Variants in PTPRM observed in about 807,000 individuals in gnomAD.
PTPRM encodes the protein protein tyrosine phosphatase receptor type M, also known as receptor-type tyrosine-protein phosphatase mu.
In PTPRM, 47 loss-of-function variants were observed where a neutral mutation model predicts 186.7. The ratio of observed to expected loss-of-function variants is 0.25; its 90% CI spans 0.20 to 0.32. The LOEUF is 0.32. PTPRM is among the 10% of genes least tolerant of loss of function. The pLI is 1.00. For synonymous variants in PTPRM, 668 were observed against 674.9 expected (o/e 0.99, Z 0.16); for missense variants, 1,494 against 1,865.0 (o/e 0.80, Z 3.66).
chr18:8,190,525 T>G (rs1331335475), intron 14 of PTPRM, among the ~76,000 whole-genome samples: 1 of 152,252 alleles, frequency 6.6e-6, no homozygotes, highest in East Asian at 1.9e-4. Flanking sequence ...TGTTCTAGTC[T>G]TCCTTCCCTT....
intron 1 of PTPRM, among the ~76,000 whole-genome samples, chr18:7,697,701 T>G (rs150293911): frequency 6.6e-6 from 1 of 152,332 alleles, no homozygotes; most frequent in East Asian, 1.9e-4. Context: ...GCCATTCAGC[T>G]TATTTACAGA....
At chr18:8,340,302 A>G (rs980453879) in intron 22 of PTPRM, among the ~76,000 whole-genome samples, 2 of 152,074 alleles carry the variant, frequency 1.3e-5, no homozygotes, top group African/African-American at 2.4e-5. Flanking sequence ...TCATTTTTAG[A>G]TTTTAACACC....
chr18:7,832,646 C>A (rs776946362), intron 2 of PTPRM, among the ~76,000 whole-genome samples: 1 of 152,116 alleles, frequency 6.6e-6, no homozygotes, highest in Non-Finnish European at 1.5e-5. Flanking sequence ...TCCATTTTGG[C>A]TTTTGGTTGC....
intron 1 of PTPRM, among the ~76,000 whole-genome samples, chr18:7,604,375 C>A (rs1455026588): frequency 6.6e-6 from 1 of 152,218 alleles, no homozygotes. Flanking sequence ...AAAACACAAA[C>A]ATCAACAACG....
chr18:7,922,927 A>G (rs2050950376), intron 4 of PTPRM, among the ~76,000 whole-genome samples: 1 of 152,068 alleles, frequency 6.6e-6, no homozygotes, highest in African/African-American at 2.4e-5. Flanking sequence ...GGGTTTCTTA[A>G]CCTTGGTGCT....
chr18:7,695,358 G>T (rs974294427), intron 1 of PTPRM, among the ~76,000 whole-genome samples: 2 of 152,120 alleles, frequency 1.3e-5, no homozygotes, highest in African/African-American at 4.8e-5. Flanking sequence ...GGGTTTCTTC[G>T]AGTCACTAGA....
At chr18:8,101,940 A>T (rs1464228515) in intron 11 of PTPRM, among the ~76,000 whole-genome samples, 2 of 152,212 alleles carry the variant, frequency 1.3e-5, no homozygotes, top group Non-Finnish European at 2.9e-5. Context: ...TAGTACAGGC[A>T]TATCTTGGAG....
intron 13 of PTPRM, among the ~76,000 whole-genome samples, chr18:8,140,079 G>A (rs1048357280): frequency 6.6e-6 from 1 of 152,178 alleles, no homozygotes; most frequent in African/African-American, 2.4e-5. Context: ...CTGCAGCTGA[G>A]CTGTCCCTGC....
intron 1 of PTPRM, among the ~76,000 whole-genome samples, chr18:7,601,838 T>C (rs1466610873): frequency 6.6e-6 from 1 of 152,230 alleles, no homozygotes; most frequent in African/African-American, 2.4e-5. Context: ...ATCAGTTGCA[T>C]TGTACCCATT....
chr18:8,272,878 G>A (rs2094789624), intron 19 of PTPRM, among the ~76,000 whole-genome samples: 1 of 151,884 alleles, frequency 6.6e-6, no homozygotes, highest in Non-Finnish European at 1.5e-5. Context: ...AATATATTTT[G>A]GAGCTAAGTT....
intron 32 of PTPRM, among the ~76,000 whole-genome samples, 186 bp from the exon 33 acceptor site, chr18:8,405,923 A>G (rs1397380019): frequency 6.6e-6 from 1 of 152,182 alleles, no homozygotes; most frequent in Non-Finnish European, 1.5e-5. Context: ...TCCACCCAGC[A>G]TTGTGGGGAG....
chr18:8,125,436 A>C (rs1242831960), intron 13 of PTPRM, among the ~76,000 whole-genome samples: 1 of 152,104 alleles, frequency 6.6e-6, no homozygotes, highest in Non-Finnish European at 1.5e-5. Context: ...TGTACATTTA[A>C]CTGTAATGAA....
chr18:8,000,016 A>G (rs1249456807), intron 7 of PTPRM, among the ~76,000 whole-genome samples: 2 of 152,146 alleles, frequency 1.3e-5, no homozygotes, highest in African/African-American at 2.4e-5. Flanking sequence ...ACAAAAAACA[A>G]TGTCCCAGTT....
At chr18:7,629,284 A>G (rs1177645702) in intron 1 of PTPRM, among the ~76,000 whole-genome samples, 1 of 152,210 alleles carries the variant, frequency 6.6e-6, no homozygotes, top group Non-Finnish European at 1.5e-5. Flanking sequence ...AAATGCCGAG[A>G]TTAGAGAATT....
chr18:7,671,189 A>C (rs1449137118), intron 1 of PTPRM, among the ~76,000 whole-genome samples: 4 of 152,162 alleles, frequency 2.6e-5, no homozygotes, highest in Non-Finnish European at 4.4e-5. Context: ...CCCCCGATTC[A>C]GAGAGACAGG....
chr18:7,963,075 A>T (rs1463112742), intron 7 of PTPRM, among the ~76,000 whole-genome samples: 1 of 152,292 alleles, frequency 6.6e-6, no homozygotes, highest in Non-Finnish European at 1.5e-5. Context: ...TTTTCAATAC[A>T]TGAAGCCATT....
chr18:7,612,692 A>G (rs945795915), intron 1 of PTPRM, among the ~76,000 whole-genome samples: 11 of 152,214 alleles, frequency 7.2e-5, no homozygotes, highest in Non-Finnish European at 1.5e-4. Flanking sequence ...AAAATTGGAT[A>G]TGTGAGAAAG....
intron 4 of PTPRM, among the ~76,000 whole-genome samples, chr18:7,922,214 G>C (rs1568017952): frequency 6.6e-6 from 1 of 152,194 alleles, no homozygotes. Context: ...GGGAAGGCTG[G>C]CTAAGGGTTT....
intron 1 of PTPRM, among the ~76,000 whole-genome samples, chr18:7,619,632 C>T (rs1017331158): frequency 6.6e-6 from 1 of 152,218 alleles, no homozygotes; most frequent in African/African-American, 2.4e-5. Flanking sequence ...TCTGTTGAAG[C>T]TTCTGCTTCA....
Sources: gnomAD v4.1 joint callset for allele counts (sites outside exome capture counted in the v4.1 genomes callset) on GRCh38, gnomAD v4.1.1 for gene constraint, MANE v1.5 for transcripts, NCBI Gene and HGNC (gene_info 2026-07-23, HGNC 2026-07-21) for gene names.